Variants in ZNF521 observed in about 807,000 individuals in gnomAD.
ZNF521 encodes LYST-interacting protein 3.
ZNF521 carries 14 observed loss-of-function variants against 105.5 expected under a neutral mutation model. The observed-to-expected ratio is 0.13, with a 90% CI of 0.09 to 0.21. The LOEUF is 0.21. Among genes scored for constraint, ZNF521 ranks in the 10% least tolerant of loss-of-function variants. The pLI is 1.00. For missense variants in ZNF521, 1,233 were observed against 1,629.7 expected (o/e 0.76, Z 4.19); for synonymous variants, 635 against 606.0 (o/e 1.05, Z -0.70).
chr18:25,258,268 T>C (rs764611220), intron 3 of ZNF521, among the ~76,000 whole-genome samples: 6 of 152,268 alleles, frequency 3.9e-5, no homozygotes, highest in African/African-American at 7.2e-5. Flanking sequence ...CACTGGAGAA[T>C]TGCTTTTATT....
At chr18:25,220,033 G>A (rs909725692) in intron 4 of ZNF521, among the ~76,000 whole-genome samples, 36 of 152,134 alleles carry the variant, frequency 2.4e-4, no homozygotes, top group African/African-American at 7.5e-4. Context: ...AAAGGTGGTC[G>A]TTCAAGCTCT....
At chr18:25,110,684 T>TAA (rs200568619) in intron 5 of ZNF521, among the ~76,000 whole-genome samples, 5,015 of 142,682 alleles carry the variant, frequency 0.035, 136 homozygotes, top group East Asian at 0.13. Flanking sequence ...AGCCCAAAAG[T>TAA]AAAAAAAAAA....
intron 7 of ZNF521, among the ~76,000 whole-genome samples, chr18:25,079,326 G>T (rs1028196956): frequency 2.6e-5 from 4 of 152,148 alleles, no homozygotes; most frequent in Non-Finnish European, 5.9e-5. Context: ...ACCTTGTTTT[G>T]TGTCCCTGGC....
intron 7 of ZNF521, among the ~76,000 whole-genome samples, chr18:25,075,124 T>C (rs954698406): frequency 6.6e-6 from 1 of 152,106 alleles, no homozygotes; most frequent in Non-Finnish European, 1.5e-5. Flanking sequence ...ACAGCAACAC[T>C]GCCATGCATA....
rs1196649149 is a variant in ZNF521, at chr18:25,158,945, G to A, written c.3658+36215C>T. ...CATTCCAGCCTGTGCGACACAGTGC[G>A]ACTCCATCTTAAAAAAAAAAAAAGA... On this transcript the variant is annotated intron_variant, in intron 5 of 7. Transcript: ENST00000361524. Among the ~76,000 whole-genome samples, 11 of 149,526 alleles carry A rather than the reference G, an allele frequency of 7.4e-5. No individual in the cohort carries two copies. In the East Asian group the frequency reaches 1.2e-3, roughly 16 times the overall value.
intron 3 of ZNF521, among the ~76,000 whole-genome samples, chr18:25,297,100 T>G (rs112664915): frequency 0.068 from 10,362 of 151,514 alleles, 688 homozygotes; most frequent in African/African-American, 0.18. Flanking sequence ...CACATATATA[T>G]AGACACATAT....
chr18:25,309,244 G>T (rs142626934), intron 3 of ZNF521, among the ~76,000 whole-genome samples: 3 of 152,182 alleles, frequency 2.0e-5, no homozygotes, highest in African/African-American at 7.2e-5. Context: ...TATCAATAAC[G>T]CCAAGAGAAG....
chr18:25,196,553 C>T (rs775552073), intron 4 of ZNF521, among the ~76,000 whole-genome samples: 1 of 151,294 alleles, frequency 6.6e-6, no homozygotes, highest in Non-Finnish European at 1.5e-5. Context: ...TTGTAAACTA[C>T]GGAAGTACAG....
intron 4 of ZNF521, among the ~76,000 whole-genome samples, chr18:25,207,391 C>A (rs770151215): frequency 6.6e-6 from 1 of 152,178 alleles, no homozygotes; most frequent in Non-Finnish European, 1.5e-5. Context: ...CTCATCGGGG[C>A]TCCTCGGGGC....
intron 5 of ZNF521, among the ~76,000 whole-genome samples, chr18:25,132,150 G>A (rs1413285045): frequency 2.0e-5 from 3 of 152,172 alleles, no homozygotes; most frequent in African/African-American, 7.2e-5. Flanking sequence ...GTGATGGTGT[G>A]AAACGGGAGT....
chr18:25,106,836 CT>C (rs752299113), intron 5 of ZNF521, among the ~76,000 whole-genome samples: 8 of 152,124 alleles, frequency 5.3e-5, no homozygotes, highest in Non-Finnish European at 1.0e-4. Context: ...AATCTGTCAT[CT>C]TTTCTACTGT....
intron 7 of ZNF521, among the ~76,000 whole-genome samples, chr18:25,065,824 G>A (rs1489647255): frequency 2.0e-5 from 3 of 152,142 alleles, no homozygotes; most frequent in African/African-American, 7.2e-5. Flanking sequence ...AGTTGGCAAT[G>A]GTTGTGTGTT....
intron 4 of ZNF521, among the ~76,000 whole-genome samples, chr18:25,213,355 A>G (rs1283544890): frequency 6.6e-6 from 1 of 151,436 alleles, no homozygotes; most frequent in African/African-American, 2.4e-5. Context: ...TTCTTTTTTG[A>G]TCATGAAAAT....
chr18:25,128,809 A>G (rs2034584831), intron 5 of ZNF521, among the ~76,000 whole-genome samples: 3 of 151,940 alleles, frequency 2.0e-5, no homozygotes, highest in African/African-American at 7.3e-5. Context: ...AAAAAGATCA[A>G]CATAAATGGA....
In ZNF521 at chr18:25,224,623, G is replaced by C; in HGVS notation, c.3295C>G (p.Leu1099Val). The change falls in exon 4 of 8, where the codon CTC becomes GTC. Residue 1099 changes from leucine (L) to valine (V), a missense_variant. Physicochemically the swap from Leu to Val is conservative, Grantham distance 32 (BLOSUM62 1). Transcript: ENST00000361524. ...ATGCCTGGGCTGGCGCTCTTACTGA[G>C]ATTCACGCAGCCGGCACACAGACCA... The part of the protein sequence containing the change: ...PYGLCAGCVN[L>V]SKSASPGINV... The C allele has an allele frequency of 6.2e-7, 1 of 1,614,136 alleles. No homozygotes were observed. Among genetic ancestry groups the C allele is most frequent in the East Asian group, 2.2e-5 (1 of 44,858 alleles).
intron 3 of ZNF521, among the ~76,000 whole-genome samples, chr18:25,288,228 C>T (rs532949566): frequency 6.6e-6 from 1 of 152,272 alleles, no homozygotes; most frequent in South Asian, 2.1e-4. Flanking sequence ...ACAGTAAGCA[C>T]TGATACTGCA....
intron 3 of ZNF521, among the ~76,000 whole-genome samples, chr18:25,288,443 G>C (rs1000123578): frequency 6.6e-6 from 1 of 151,796 alleles, no homozygotes; most frequent in Admixed American, 6.6e-5. Context: ...CTTTCCTTTC[G>C]GGTTTTAGCT....
At chr18:25,164,629 T>A (rs1316598986) in intron 5 of ZNF521, among the ~76,000 whole-genome samples, 1 of 152,174 alleles carries the variant, frequency 6.6e-6, no homozygotes, top group East Asian at 1.9e-4. Context: ...GCTCTGGGAC[T>A]AAGTTGTCAC....
rs552944533 is a variant in ZNF521 at position 25,183,140 on chromosome 18, C to T, written c.3658+12020G>A. Among the ~76,000 whole-genome samples the T allele has an allele frequency of 6.6e-5, 10 of 152,068 alleles. No homozygotes were observed. In the South Asian group the frequency reaches 1.7e-3, roughly 25 times the overall value. ...ATACTCATTATTTGCTCCAGCATAC[C>T]CAAATTAAAGGCTGAAAAGATTCAA... On this transcript the variant is annotated intron_variant, in intron 5 of 7. Coordinates refer to ENST00000361524, the MANE Select transcript of ZNF521 (RefSeq NM_015461.3).
Sources: gnomAD v4.1 joint callset for allele counts (sites outside exome capture counted in the v4.1 genomes callset) on GRCh38, gnomAD v4.1.1 for gene constraint, MANE v1.5 for transcripts, NCBI Gene and HGNC (gene_info 2026-07-23, HGNC 2026-07-21) for gene names.